Variants in COL21A1 observed in about 807,000 individuals in gnomAD.
COL21A1 encodes the protein collagen alpha-1(XXI) chain.
COL21A1 carries 149 observed loss-of-function variants against 137.9 expected under a neutral mutation model. The ratio of observed to expected loss-of-function variants is 1.08; its 90% CI spans 0.95 to 1.24. The LOEUF (loss-of-function observed/expected upper bound fraction) is 1.24, where lower values mean the gene tolerates loss of function less well. Among genes scored for constraint, COL21A1 ranks in the 50% most tolerant of loss-of-function variants. The pLI is 0.00. For synonymous variants in COL21A1, 456 were observed against 391.5 expected (o/e 1.16, Z -1.95); for missense variants, 1,167 against 1,158.4 (o/e 1.01, Z -0.11).
At chr6:56,253,611 T>C (rs1047313108) in intron 1 of COL21A1, among the ~76,000 whole-genome samples, 6 of 152,186 alleles carry the variant, frequency 3.9e-5, no homozygotes, top group Non-Finnish European at 8.8e-5. Flanking sequence ...TATTTTTCCC[T>C]ATGTGAGCAT....
chr6:56,088,058 A>G (rs1768424648), intron 17 of COL21A1, among the ~76,000 whole-genome samples: 1 of 152,122 alleles, frequency 6.6e-6, no homozygotes, highest in Admixed American at 6.6e-5. Flanking sequence ...GCTTTAATTT[A>G]TCATATAATA....
intron 1 of COL21A1, among the ~76,000 whole-genome samples, chr6:56,238,595 C>G (rs1415698881): frequency 6.6e-6 from 1 of 152,018 alleles, no homozygotes; most frequent in Non-Finnish European, 1.5e-5. Flanking sequence ...TCATGGACCC[C>G]AGAATCAACA....
At chr6:56,349,444 A>T (rs558050100) in intron 1 of COL21A1, among the ~76,000 whole-genome samples, 37 of 152,380 alleles carry the variant, frequency 2.4e-4, no homozygotes, top group Non-Finnish European at 4.0e-4. Context: ...AGCCATAATT[A>T]TCTGAAGTTG....
At chr6:56,369,271 T>C (rs879760261) in intron 1 of COL21A1, among the ~76,000 whole-genome samples, 5 of 151,836 alleles carry the variant, frequency 3.3e-5, no homozygotes, top group Non-Finnish European at 7.4e-5. Context: ...AAAGTTATAA[T>C]AGTTCAAGCA....
chr6:56,269,649 C>A (rs567007357), intron 1 of COL21A1, among the ~76,000 whole-genome samples: 1 of 100,692 alleles, frequency 9.9e-6, no homozygotes. Context: ...AGCGAGACTC[C>A]GTCTCAAAAA....
chr6:56,231,225 A>G (rs1442391233), intron 1 of COL21A1: 1 of 151,946 alleles, frequency 6.6e-6, no homozygotes, highest in East Asian at 1.9e-4. Flanking sequence ...AACGGAAAAT[A>G]AAAAGACTAT....
intron 9 of COL21A1, among the ~76,000 whole-genome samples, chr6:56,162,398 G>A (rs1776260993): frequency 6.6e-6 from 1 of 152,158 alleles, no homozygotes; most frequent in African/African-American, 2.4e-5. Flanking sequence ...AAAAGAAAAT[G>A]AAAATGAGAA....
intron 1 of COL21A1, among the ~76,000 whole-genome samples, chr6:56,314,291 T>A (rs1683944161): frequency 6.6e-6 from 1 of 152,106 alleles, no homozygotes; most frequent in Non-Finnish European, 1.5e-5. Flanking sequence ...CCAGAAGGTA[T>A]CCTTTTAAAT....
intron 1 of COL21A1, among the ~76,000 whole-genome samples, chr6:56,268,182 T>C (rs1470165751): frequency 6.6e-6 from 1 of 152,184 alleles, no homozygotes; most frequent in Non-Finnish European, 1.5e-5. Context: ...GTGAAATGCA[T>C]GGGTTCATGG....
At chr6:56,256,709 A>G (rs986986659) in intron 1 of COL21A1, among the ~76,000 whole-genome samples, 4 of 152,102 alleles carry the variant, frequency 2.6e-5, no homozygotes, top group Non-Finnish European at 5.9e-5. Flanking sequence ...AAAAATTTTA[A>G]AAACCCCTTT....
rs779581897 is a variant in COL21A1 at position 56,141,754 on chromosome 6, C to T, written c.1542+31G>A. On this transcript the variant is annotated intron_variant, in intron 12 of 29. Coordinates refer to ENST00000244728, the MANE Select transcript of COL21A1 (RefSeq NM_030820.4). ...ACATCCTTTATCTTTGAGGGACTAA[C>T]ACCATTGATTGCATTTTTGTGTGTG... is the stretch of plus-strand genomic sequence containing the variant. 5.0e-6 allele frequency: 8 copies of T among 1,608,740 alleles called. No individual in the cohort carries two copies. In the Admixed American group the frequency reaches 1.3e-4, roughly 27 times the overall value.
intron 10 of COL21A1, among the ~76,000 whole-genome samples, chr6:56,146,777 G>T (rs1774871094): frequency 6.6e-6 from 1 of 152,080 alleles, no homozygotes; most frequent in South Asian, 2.1e-4. Context: ...GAGGTTATCT[G>T]CACAGCTCGT....
In COL21A1 at chr6:56,157,005, G is replaced by A. The variant is rs924680119; in HGVS notation, c.1372-56C>T. On this transcript the variant is annotated intron_variant, in intron 9 of 29. Coordinates refer to ENST00000244728, the MANE Select transcript of COL21A1 (RefSeq NM_030820.4). Reference sequence around the variant, plus strand: ...CAAAACAACCAGCCACATTGGTGCAGTCAGGATCAATAAAAGTTCAAAACC... The same window carrying A: ...CAAAACAACCAGCCACATTGGTGCAATCAGGATCAATAAAAGTTCAAAACC... 44 of 1,228,528 alleles carry A rather than the reference G, an allele frequency of 3.6e-5. No individual in the cohort carries two copies. The African/African-American group carries it at 6.5e-4, about 18-fold the overall frequency. The allele number at this position is 1,228,528 out of a possible 1,614,324, so 76.1% of individuals were successfully genotyped here.
At chr6:56,297,097 T>C (rs1433128299) in intron 1 of COL21A1, among the ~76,000 whole-genome samples, 2 of 152,042 alleles carry the variant, frequency 1.3e-5, no homozygotes, top group African/African-American at 2.4e-5. Context: ...CCCATAGAGA[T>C]ACAATACTGA....
At chr6:56,366,552 T>A (rs776226037) in intron 1 of COL21A1, among the ~76,000 whole-genome samples, 1 of 152,210 alleles carries the variant, frequency 6.6e-6, no homozygotes, top group East Asian at 1.9e-4. Context: ...GAGGAAGATG[T>A]CATGTAAAGT....
chr6:56,152,340 T>C (rs1338360305), intron 10 of COL21A1, among the ~76,000 whole-genome samples: 1 of 152,128 alleles, frequency 6.6e-6, no homozygotes, highest in Admixed American at 6.5e-5. Context: ...CAGGCCAATC[T>C]CCCATCTCAA....
intron 1 of COL21A1, among the ~76,000 whole-genome samples, chr6:56,384,304 C>G (rs1373579001): frequency 1.3e-5 from 2 of 152,202 alleles, no homozygotes; most frequent in South Asian, 2.1e-4. Flanking sequence ...ATTGCACAGG[C>G]CTTGACCATG....
chr6:56,355,894 C>A (rs577743786), intron 1 of COL21A1, among the ~76,000 whole-genome samples: 3 of 152,298 alleles, frequency 2.0e-5, no homozygotes, highest in African/African-American at 7.2e-5. Flanking sequence ...AAAAAGAACT[C>A]ATTACTCTCC....
At chr6:56,230,794 T>C (rs1353277841) in intron 1 of COL21A1, among the ~76,000 whole-genome samples, 2 of 151,936 alleles carry the variant, frequency 1.3e-5, no homozygotes, top group African/African-American at 4.8e-5. Context: ...GCTGTACATG[T>C]TTATGGGAAA....
Sources: gnomAD v4.1 joint callset for allele counts (sites outside exome capture counted in the v4.1 genomes callset) on GRCh38, gnomAD v4.1.1 for gene constraint, MANE v1.5 for transcripts, NCBI Gene and HGNC (gene_info 2026-07-23, HGNC 2026-07-21) for gene names.